Variants in ARMC2 observed in about 807,000 individuals in gnomAD.
ARMC2 encodes the protein armadillo repeat containing 2, also known as armadillo repeat-containing protein 2.
Under a neutral mutation model 90.3 loss-of-function variants are expected in ARMC2, and 67 were observed. The ratio of observed to expected loss-of-function variants is 0.74; its 90% CI spans 0.61 to 0.91. The LOEUF (loss-of-function observed/expected upper bound fraction) is 0.91, where lower values mean the gene tolerates loss of function less well. Ranked by LOEUF, ARMC2 falls within the 40% of genes least tolerant of loss-of-function variation. The pLI is 0.00. For missense variants in ARMC2, 920 were observed against 1,030.9 expected, an observed-to-expected ratio of 0.89 and a Z score of 1.47; for synonymous variants, 393 against 393.0, an observed-to-expected ratio of 1.00 and a Z score of 0.00.
At chr6:108,965,839 G>A (rs889497741) in intron 17 of ARMC2, among the ~76,000 whole-genome samples, 17 of 149,912 alleles carry the variant, frequency 1.1e-4, no homozygotes, top group South Asian at 6.4e-4. Flanking sequence ...TTTTTGTAGC[G>A]ATGAGGTCTT....
intron 12 of ARMC2, among the ~76,000 whole-genome samples, chr6:108,937,284 T>C (rs1209400615): frequency 2.6e-5 from 4 of 151,654 alleles, no homozygotes; most frequent in Non-Finnish European, 5.9e-5. Context: ...AAAACCTACC[T>C]GGGAGTCACC....
At chr6:108,927,147 A>AC (rs769116635) in intron 10 of ARMC2, among the ~76,000 whole-genome samples, 10 of 151,828 alleles carry the variant, frequency 6.6e-5, no homozygotes, top group African/African-American at 9.7e-5. Flanking sequence ...GCTACACACA[A>AC]CCCCCCGAGA....
At chr6:108,858,307 A>G in intron 3 of ARMC2, 36 bp downstream of exon 3, 1 of 1,521,164 alleles carries the variant, frequency 6.6e-7, no homozygotes, top group Middle Eastern at 1.7e-4. Context: ...AATTTATATT[A>G]TGTTGTGAAA....
the ARMC2 span, chr6:108,990,957 T>G: frequency 1.3e-6 from 1 of 751,160 alleles, no homozygotes; most frequent in East Asian, 2.8e-5. Context: ...CTTTTATCCC[T>G]AACTCCCAGC....
At chr6:108,872,168 C>A (rs1476337261) in intron 4 of ARMC2, among the ~76,000 whole-genome samples, 1 of 152,170 alleles carries the variant, frequency 6.6e-6, no homozygotes, top group African/African-American at 2.4e-5. Context: ...TGATGCTACC[C>A]CACAGGCAGG....
At chr6:108,854,964 A>G (rs141188705) in intron 2 of ARMC2, among the ~76,000 whole-genome samples, 1,744 of 152,342 alleles carry the variant, frequency 0.011, 6 homozygotes, top group South Asian at 0.032. Flanking sequence ...CTTTGCCAGA[A>G]TGTCATATAG....
Position 108,853,655 on chromosome 6 carries a change from A to G in ARMC2, c.-43-570A>G, listed in dbSNP as rs558131214. On this transcript the variant is annotated intron_variant, in intron 1 of 17. Transcript: ENST00000392644. ...CTCTTTCAGGAAGGGGTGTTGGGAA[A>G]GGATCAGTTGGTATTGATATTTGGT... 9.7e-4 allele frequency among the ~76,000 whole-genome samples: 147 copies of G among 152,330 alleles called. 1 individual carries two copies. Among genetic ancestry groups the G allele is most frequent in the Non-Finnish European group, 1.8e-3 (123 of 68,020 alleles).
intron 4 of ARMC2, among the ~76,000 whole-genome samples, chr6:108,872,435 C>T (rs1311765765): frequency 2.0e-5 from 3 of 152,322 alleles, no homozygotes; most frequent in East Asian, 1.9e-4. Context: ...GACTAGCTCT[C>T]GAGTCTGCAT....
chr6:108,957,965 A>G (rs1465016950), intron 13 of ARMC2, among the ~76,000 whole-genome samples: 2 of 152,186 alleles, frequency 1.3e-5, no homozygotes, highest in Admixed American at 1.3e-4. Context: ...GTAGGATAGT[A>G]GGGGTCAAGT....
chr6:108,955,577 G>A (rs1031574676), intron 13 of ARMC2, among the ~76,000 whole-genome samples: 1 of 152,230 alleles, frequency 6.6e-6, no homozygotes, highest in Admixed American at 6.5e-5. Flanking sequence ...TCCACATCAC[G>A]TGTCACCTGT....
the ARMC2 span, among the ~76,000 whole-genome samples, chr6:109,027,661 T>C: frequency 4.6e-5 from 7 of 152,054 alleles, no homozygotes; most frequent in South Asian, 8.3e-4. Flanking sequence ...GAGGAGCAGG[T>C]TGTTACTGGT....
At chr6:108,960,704 C>T (rs1777934734) in intron 13 of ARMC2, among the ~76,000 whole-genome samples, 2 of 152,304 alleles carry the variant, frequency 1.3e-5, no homozygotes, top group African/African-American at 4.8e-5. Context: ...AAAGTATGTC[C>T]AACAAGGCGG....
chr6:108,922,977 T>G (rs995277820), intron 10 of ARMC2: 2 of 152,236 alleles, frequency 1.3e-5, no homozygotes, highest in Non-Finnish European at 2.9e-5. Flanking sequence ...AAACTTACAT[T>G]TGTATTAGTC....
intron 15 of ARMC2, among the ~76,000 whole-genome samples, chr6:108,963,572 C>G (rs557431480): frequency 6.6e-6 from 1 of 151,918 alleles, no homozygotes; most frequent in Admixed American, 6.6e-5. Flanking sequence ...CTTCCCCAAC[C>G]CTTTGCTCAG....
At chr6:108,957,936 G>A (rs576927065) in intron 13 of ARMC2, among the ~76,000 whole-genome samples, 6 of 152,264 alleles carry the variant, frequency 3.9e-5, no homozygotes, top group African/African-American at 7.2e-5. Flanking sequence ...CTTGGCTTCC[G>A]CAGCGTTCTG....
intron 8 of ARMC2, chr6:108,907,791 C>T: frequency 6.2e-7 from 1 of 1,610,444 alleles, no homozygotes; most frequent in East Asian, 2.2e-5. Flanking sequence ...GGGCTGAAGT[C>T]CCCCATCAAG....
the ARMC2 span, among the ~76,000 whole-genome samples, chr6:109,027,657 C>A: frequency 6.6e-6 from 1 of 151,944 alleles, no homozygotes; most frequent in Admixed American, 6.6e-5. Flanking sequence ...TGGTGAGGAG[C>A]AGGTTGTTAC....
At chr6:108,989,573 A>C in the ARMC2 span, among the ~76,000 whole-genome samples, 1 of 131,320 alleles carries the variant, frequency 7.6e-6, no homozygotes, top group African/African-American at 3.0e-5. Context: ...AGATCTAGAG[A>C]TATCTATATA....
chr6:108,858,192 ATG>A lies in ARMC2; in HGVS notation c.219-6_219-5del. 6.2e-7 allele frequency: 1 copy of A among 1,605,746 alleles called. No individual in the cohort carries two copies. The highest frequency in any genetic ancestry group is 8.5e-7 in the Non-Finnish European group (1 of 1,173,652). Reference sequence around the variant, plus strand: ...AAACTAACACTCTGCACCATCTTTTATGCTAGCCTCCATGCATCCAGTTTTGA... The same window carrying A: ...AAACTAACACTCTGCACCATCTTTTACTAGCCTCCATGCATCCAGTTTTGA... On this transcript the variant is annotated splice_polypyrimidine_tract_variant and splice_region_variant and intron_variant, in intron 2 of 17. Coordinates refer to ENST00000392644, the MANE Select transcript of ARMC2 (RefSeq NM_032131.6).
Sources: allele counts gnomAD v4.1 joint callset (sites outside exome capture counted in the v4.1 genomes callset), GRCh38; gene constraint gnomAD v4.1.1; transcripts MANE v1.5; gene names NCBI Gene and HGNC (gene_info 2026-07-23, HGNC 2026-07-21).